ATXN7: variants seen among roughly 807,000 people sequenced by gnomAD.
ATXN7 encodes ataxin 7, also known as ataxin-7.
In ATXN7, 12 loss-of-function variants were observed where a neutral mutation model predicts 70.5. The ratio of observed to expected loss-of-function variants is 0.17; its 90% CI spans 0.11 to 0.28. ATXN7 has a LOEUF of 0.28. Ranked by LOEUF, ATXN7 falls within the 10% of genes least tolerant of loss-of-function variation. The pLI is 1.00. For synonymous variants in ATXN7, 498 were observed against 448.7 expected (o/e 1.11, Z -1.39); for missense variants, 1,256 against 1,131.7 (o/e 1.11, Z -1.58).
At chr3:63,974,268 C>G (rs1248122171) in intron 5 of ATXN7, among the ~76,000 whole-genome samples, 1 of 152,204 alleles carries the variant, frequency 6.6e-6, no homozygotes, top group Non-Finnish European at 1.5e-5. Flanking sequence ...TAAACATATT[C>G]TGGATCCCAC....
chr3:63,913,143 T>C lies in ATXN7; in HGVS notation c.326-14T>C. The C allele has an allele frequency of 1.9e-6, 3 of 1,612,018 alleles. No homozygotes were observed. Among genetic ancestry groups the C allele is most frequent in the Non-Finnish European group, 2.5e-6 (3 of 1,178,458 alleles). On this transcript the variant is annotated splice_polypyrimidine_tract_variant and intron_variant, in intron 3 of 12. Coordinates refer to ENST00000674280, the MANE Select transcript of ATXN7 (RefSeq NM_001377405.1). ...CCTGCCTCTCCCCTCCTCCTGTGTG[T>C]GTATATCTCCTAGGGACAGAATTGG...
chr3:63,885,369 A>T (rs952051887), intron 1 of ATXN7, among the ~76,000 whole-genome samples: 1 of 152,216 alleles, frequency 6.6e-6, no homozygotes, highest in Non-Finnish European at 1.5e-5. Context: ...CATCAGGGAC[A>T]TGCAAGTTAA....
chr3:63,946,168 G>A (rs919435997), intron 4 of ATXN7, among the ~76,000 whole-genome samples: 2 of 152,286 alleles, frequency 1.3e-5, no homozygotes, highest in East Asian at 3.9e-4. Flanking sequence ...GTTTCCATTT[G>A]TAAATTTTTA....
intron 7 of ATXN7, 162 bp from the exon 8 acceptor site, chr3:63,982,777 T>C (rs1268333089): frequency 6.3e-6 from 4 of 634,106 alleles, no homozygotes; most frequent in Non-Finnish European, 8.3e-6. Flanking sequence ...GTTGCTGCTT[T>C]GTTGCAGCAC....
At chr3:63,932,257 C>T (rs2074560661) in intron 4 of ATXN7, among the ~76,000 whole-genome samples, 2 of 152,114 alleles carry the variant, frequency 1.3e-5, no homozygotes, top group Admixed American at 6.5e-5. Context: ...GCTGTGTTTT[C>T]TGCAATATTA....
chr3:63,988,345 CTT>C (rs771783369), intron 9 of ATXN7, 21 bp downstream of exon 9: 2 of 1,613,430 alleles, frequency 1.2e-6, no homozygotes, highest in South Asian at 1.1e-5. Context: ...CCCTCCAACT[CTT>C]TCTCCCACCT....
intron 2 of ATXN7, among the ~76,000 whole-genome samples, chr3:63,902,832 G>A (rs1703694973): frequency 6.6e-6 from 1 of 151,856 alleles, no homozygotes; most frequent in Non-Finnish European, 1.5e-5. Flanking sequence ...TATTAGTTTA[G>A]AGTTTCTTCT....
At chr3:63,926,675 T>C in intron 4 of ATXN7, among the ~76,000 whole-genome samples, 1 of 152,190 alleles carries the variant, frequency 6.6e-6, no homozygotes, top group East Asian at 1.9e-4. Flanking sequence ...TCCTCAGTTC[T>C]TGCATATGCT....
In ATXN7 at chr3:64,000,668, A is replaced by G. The variant is rs969534127; in HGVS notation, c.*1201A>G. 1 of 152,130 alleles carries G rather than the reference A, an allele frequency of 6.6e-6. No homozygotes were observed. The highest frequency in any genetic ancestry group is 2.4e-5 in the African/African-American group (1 of 41,438). The allele number at this position is 152,130 out of a possible 1,614,324, so 9.4% of individuals were successfully genotyped here. A position where few individuals can be genotyped will look rare whatever the true frequency, so the allele number is the denominator to read the frequency against. ...CACCAAGGAAAGGGAGTTGGAGAGA[A>G]TGTAAGTCCTGACCTGAAGGTCTTT... On this transcript the variant is annotated 3_prime_UTR_variant, in exon 13 of 13. Transcript: ENST00000674280.
At chr3:63,990,686 G>A in intron 10 of ATXN7, 52 bp from the exon 11 acceptor site, 1 of 1,613,394 alleles carries the variant, frequency 6.2e-7, no homozygotes, top group Non-Finnish European at 8.5e-7. Flanking sequence ...AACCCTGACT[G>A]GGCATGCCAG....
At position 63,954,705 on chromosome 3, in the gene ATXN7, T is replaced by G. The variant is rs1279121856; in HGVS notation, c.499+2222T>G. 2.7e-5 allele frequency among the ~76,000 whole-genome samples: 4 copies of G among 145,616 alleles called. No homozygotes were observed. In the East Asian group the frequency reaches 8.4e-4, roughly 31 times the overall value. On this transcript the variant is annotated intron_variant, in intron 5 of 12. Transcript: ENST00000674280. ...TGTACGGGTAGGAAAAAGTGTTTTTTTTTTTGTTTTTTTTTTTTTTTGAGA... is the reference window on the plus strand; with the variant it reads ...TGTACGGGTAGGAAAAAGTGTTTTTGTTTTTGTTTTTTTTTTTTTTTGAGA...
chr3:63,988,126 A>G lies in ATXN7; in HGVS notation c.1163A>G (p.Glu388Gly), dbSNP rs954092116. The G allele has an allele frequency of 5.6e-6, 9 of 1,614,024 alleles. No homozygotes were observed. The Admixed American group carries it at 1.2e-4, about 21-fold the overall frequency. ...RRKRFDVLLA[E>G]HKNKTREKEL... Reference sequence around the variant, plus strand: ...AAACGATTTGATGTGTTATTAGCCGAGCACAAAAACAAAACCAGGGAAAAG... The same window carrying G: ...AAACGATTTGATGTGTTATTAGCCGGGCACAAAAACAAAACCAGGGAAAAG... The change falls in exon 9 of 13, where the codon GAG becomes GGG. Residue 388 changes from glutamate (E) to glycine (G), a missense_variant. Physicochemically the swap from Glu to Gly is moderately conservative, Grantham distance 98. Transcript: ENST00000674280.
At chr3:63,941,865 A>G (rs964447784) in intron 4 of ATXN7, among the ~76,000 whole-genome samples, 2 of 152,166 alleles carry the variant, frequency 1.3e-5, no homozygotes, top group Non-Finnish European at 2.9e-5. Context: ...ACTAAAGCTC[A>G]CTTAACAGCA....
chr3:63,941,535 A>G (rs1446861099), intron 4 of ATXN7, among the ~76,000 whole-genome samples: 1 of 152,174 alleles, frequency 6.6e-6, no homozygotes, highest in East Asian at 1.9e-4. Flanking sequence ...CCATGGAAAA[A>G]TTGTCTTCCA....
At chr3:63,866,446 T>C (rs954255530) in intron 1 of ATXN7, among the ~76,000 whole-genome samples, 34 of 152,024 alleles carry the variant, frequency 2.2e-4, no homozygotes, top group African/African-American at 7.2e-4. Flanking sequence ...TGTAGAGACA[T>C]GATCTCACTA....
At chr3:63,875,031 A>G (rs1396383560) in intron 1 of ATXN7, among the ~76,000 whole-genome samples, 1 of 152,174 alleles carries the variant, frequency 6.6e-6, no homozygotes, top group African/African-American at 2.4e-5. Context: ...CCTATTCATG[A>G]AGGTTCTGCC....
At chr3:63,880,151 T>TAA (rs1702868051) in intron 1 of ATXN7, among the ~76,000 whole-genome samples, 1 of 152,074 alleles carries the variant, frequency 6.6e-6, no homozygotes, top group African/African-American at 2.4e-5. Flanking sequence ...CATAACTTTA[T>TAA]TGAGTTTTGA....
intron 8 of ATXN7, among the ~76,000 whole-genome samples, chr3:63,987,771 G>C (rs778595949): frequency 6.6e-6 from 1 of 151,892 alleles, no homozygotes; most frequent in Non-Finnish European, 1.5e-5. Context: ...TAGCGCTAAT[G>C]GTTGCTCTTA....
chr3:63,912,316 C>T (rs1424110543), intron 2 of ATXN7: 1 of 152,452 alleles, frequency 6.6e-6, no homozygotes, highest in Non-Finnish European at 1.5e-5. Context: ...AGGCAGGGGA[C>T]CCAGCGCCGC....
Sources: allele counts gnomAD v4.1 joint callset (sites outside exome capture counted in the v4.1 genomes callset), GRCh38; gene constraint gnomAD v4.1.1; transcripts MANE v1.5; gene names NCBI Gene and HGNC (gene_info 2026-07-23, HGNC 2026-07-21).